OR6C68: variants seen among roughly 807,000 people sequenced by gnomAD.
OR6C68 encodes the protein olfactory receptor 6C68.
For synonymous variants in OR6C68, 161 were observed against 129.8 expected (o/e 1.24, Z -1.63); for missense variants, 440 against 368.5 (o/e 1.19, Z -1.59).
In OR6C68 at chr12:55,493,032, A is replaced by G; in HGVS notation, c.655A>G (p.Ile219Val). 1 of 1,609,232 alleles carries G rather than the reference A, an allele frequency of 6.2e-7. No individual in the cohort carries two copies. The highest frequency in any genetic ancestry group is 2.2e-5 in the East Asian group (1 of 44,848). Residue 219 changes from isoleucine (I) to valine (V), a missense_variant, in exon 1 of 1, where the codon ATC becomes GTC. Coordinates refer to ENST00000548615, the MANE Select transcript of OR6C68 (RefSeq NM_001005519.2). ...ATGTGTAGTTCTGTCCTACACATAT[A>G]TCATAAGAACAATTCTAAAATTCCC... Reference protein sequence around the residue: ...LVCVVLSYTYIIRTILKFPSV... With the variant: ...LVCVVLSYTYVIRTILKFPSV...
In OR6C68 at chr12:55,493,311, A is replaced by T. The variant is rs142751832; in HGVS notation, c.934A>T (p.Lys312Ter). ...SLKKIAFRLK[K>*] ...CAAAAAAATTGCATTTCGTTTAAAA[A>T]AGTAAAGTGTACCTAAGTTGATAAA... The change falls in exon 1 of 1, where the codon AAG (lysine) becomes TAG (stop). Residue 312 changes from lysine to a stop codon, truncating the protein, a stop_gained. Coordinates refer to ENST00000548615, the MANE Select transcript of OR6C68 (RefSeq NM_001005519.2). LOFTEE classifies it high-confidence loss of function. The T allele has an allele frequency of 4.6e-5, 70 of 1,533,698 alleles. No individual in the cohort carries two copies. The African/African-American group carries it at 8.3e-4, about 18-fold the overall frequency.
chr12:55,493,062 G>C lies in OR6C68; in HGVS notation c.685G>C (p.Val229Leu). 1 of 1,605,824 alleles carries C rather than the reference G, an allele frequency of 6.2e-7. No individual in the cohort carries two copies. The highest frequency in any genetic ancestry group is 8.5e-7 in the Non-Finnish European group (1 of 1,177,474). The change falls in exon 1 of 1, where the codon GTT becomes CTT. Residue 229 changes from valine to leucine, a missense_variant. Transcript: ENST00000548615. The stretch of plus-strand genomic sequence containing the variant: ...AAGAACAATTCTAAAATTCCCTTCT[G>C]TTCAACAAAAGAAAAAAGCCTTTTC... ...IIRTILKFPSVQQKKKAFSTC... is the reference protein window; with the variant it reads ...IIRTILKFPSLQQKKKAFSTC...
At position 55,492,766 on chromosome 12, in the gene OR6C68, A is replaced by G; in HGVS notation, c.389A>G (p.Tyr130Cys). The G allele has an allele frequency of 6.2e-7, 1 of 1,614,194 alleles. No homozygotes were observed. Among genetic ancestry groups the G allele is most frequent in the Non-Finnish European group, 8.5e-7 (1 of 1,180,012 alleles). ...GTGGCCATCTGCAAACCCTTGCATTATATGGCAATCATGAGCAACAAAGTG... is the reference window on the plus strand; with the variant it reads ...GTGGCCATCTGCAAACCCTTGCATTGTATGGCAATCATGAGCAACAAAGTG... ...RYVAICKPLHYMAIMSNKVCK... is the reference protein window; with the variant it reads ...RYVAICKPLHCMAIMSNKVCK... Residue 130 changes from tyrosine (Y) to cysteine (C), a missense_variant, in exon 1 of 1, where the codon TAT (tyrosine) becomes TGT (cysteine). Tyr to Cys is a radical substitution (Grantham distance 194). Transcript: ENST00000548615.
chr12:55,493,169 A>G lies in OR6C68; in HGVS notation c.792A>G (p.Glu264=), dbSNP rs757057496. 3.1e-6 allele frequency: 5 copies of G among 1,613,960 alleles called. No individual in the cohort carries two copies. Among genetic ancestry groups the G allele is most frequent in the Admixed American group, 1.7e-5 (1 of 60,012 alleles). ...IFIYIKPSAK[E]EVNINKGVSV... ...TCTATATCAAGCCATCTGCAAAAGA[A>G]GAGGTAAACATTAATAAAGGTGTGT... The change falls in exon 1 of 1, where the codon GAA becomes GAG. Residue 264 remains glutamate (E), a synonymous_variant. Transcript: ENST00000548615.
At position 55,493,255 on chromosome 12, in the gene OR6C68, A is replaced by G; in HGVS notation, c.878A>G (p.Glu293Gly). The G allele has an allele frequency of 6.2e-7, 1 of 1,602,060 alleles. No homozygotes were observed. ...TCTTTCATATATACTCTTAGGAATG[A>G]GCAAGTTAAACAAGCCTTTCATGAC... is the stretch of plus-strand genomic sequence containing the variant. The part of the protein sequence containing the change: ...LNSFIYTLRN[E>G]QVKQAFHDSL... Residue 293 changes from glutamate to glycine, a missense_variant, in exon 1 of 1, where the codon GAG (glutamate) becomes GGG (glycine). By Grantham distance (98) the Glu-to-Gly change is moderately conservative (BLOSUM62 -2). Coordinates refer to ENST00000548615, the MANE Select transcript of OR6C68 (RefSeq NM_001005519.2).
chr12:55,493,235 C>CAT lies in OR6C68; in HGVS notation c.864_865dup (p.Thr289IlefsTer23), dbSNP rs1872539630. 1 of 1,611,458 alleles carries CAT rather than the reference C, an allele frequency of 6.2e-7. No homozygotes were observed. Among genetic ancestry groups the CAT allele is most frequent in the African/African-American group, 1.3e-5 (1 of 74,770 alleles). ...CCATATCACCTATGTTGAATTCTTT[C>CAT]ATATATACTCTTAGGAATGAGCAAG... On this transcript the variant is annotated frameshift_variant, in exon 1 of 1. Transcript: ENST00000548615. LOFTEE classifies it low-confidence loss of function (END_TRUNC).
Position 55,492,883 on chromosome 12 carries a change from C to G in OR6C68, c.506C>G (p.Ser169Cys), listed in dbSNP as rs189513190. Residue 169 changes from serine (S) to cysteine (C), a missense_variant, in exon 1 of 1, where the codon TCT (serine) becomes TGT (cysteine). Ser to Cys is a moderately radical substitution (Grantham distance 112). Transcript: ENST00000548615. ...GGTTTTCATCTAGAATTCTGTGACT[C>G]TAATGTCATCAATCATTTTGGCTGT... The part of the protein sequence containing the change: ...SLGFHLEFCD[S>C]NVINHFGCDA... 1.9e-5 allele frequency: 30 copies of G among 1,613,656 alleles called. No homozygotes were observed. The highest frequency in any genetic ancestry group is 8.5e-7 in the Non-Finnish European group (1 of 1,179,722).
Position 55,492,485 on chromosome 12 carries a change from T to A in OR6C68, c.108T>A (p.Ser36Arg). Residue 36 changes from serine to arginine, a missense_variant, in exon 1 of 1, where the codon AGT becomes AGA. Coordinates refer to ENST00000548615, the MANE Select transcript of OR6C68 (RefSeq NM_001005519.2). ...FMFLFITYML[S>R]VTGKLTIIAL... ...TTCTATTTATCACCTACATGTTGAG[T>A]GTAACAGGGAAACTGACCATTATCG... The A allele has an allele frequency of 6.2e-7, 1 of 1,613,804 alleles. No individual in the cohort carries two copies. The highest frequency in any genetic ancestry group is 8.5e-7 in the Non-Finnish European group (1 of 1,179,706).
chr12:55,492,483 A>G lies in OR6C68; in HGVS notation c.106A>G (p.Ser36Gly), dbSNP rs1332225153. The change falls in exon 1 of 1, where the codon AGT (serine) becomes GGT (glycine). Residue 36 changes from serine to glycine, a missense_variant. Transcript: ENST00000548615. ...FMFLFITYML[S>G]VTGKLTIIAL... ...GTTTCTATTTATCACCTACATGTTG[A>G]GTGTAACAGGGAAACTGACCATTAT... 4 of 1,613,792 alleles carry G rather than the reference A, an allele frequency of 2.5e-6. No homozygotes were observed. Among genetic ancestry groups the G allele is most frequent in the Non-Finnish European group, 3.4e-6 (4 of 1,179,796 alleles).
chr12:55,492,408 A>G lies in OR6C68; in HGVS notation c.31A>G (p.Ile11Val). The G allele has an allele frequency of 6.2e-7, 1 of 1,609,522 alleles. No homozygotes were observed. Among genetic ancestry groups the G allele is most frequent in the Non-Finnish European group, 8.5e-7 (1 of 1,178,568 alleles). Residue 11 changes from isoleucine to valine, a missense_variant, in exon 1 of 1, where the codon ATC (isoleucine) becomes GTC (valine). Physicochemically the swap from Ile to Val is conservative, Grantham distance 29 (BLOSUM62 3). Coordinates refer to ENST00000548615, the MANE Select transcript of OR6C68 (RefSeq NM_001005519.2). ...AAAACACACAGCAATAACAACATTC[A>G]TCCTTCTGGGACTGACAGAAGATCC... MRKHTAITTF[I>V]LLGLTEDPQL...
In OR6C68 at chr12:55,492,477, A is replaced by C. The variant is rs1872512323; in HGVS notation, c.100A>C (p.Met34Leu). The C allele has an allele frequency of 1.1e-5, 17 of 1,613,808 alleles. No homozygotes were observed. Among genetic ancestry groups the C allele is most frequent in the Non-Finnish European group, 1.4e-5 (17 of 1,179,776 alleles). The change falls in exon 1 of 1, where the codon ATG becomes CTG. Residue 34 changes from methionine (M) to leucine (L), a missense_variant. Coordinates refer to ENST00000548615, the MANE Select transcript of OR6C68 (RefSeq NM_001005519.2). ...LLFMFLFITYMLSVTGKLTII... is the reference protein window; with the variant it reads ...LLFMFLFITYLLSVTGKLTII... ...TTTCATGTTTCTATTTATCACCTAC[A>C]TGTTGAGTGTAACAGGGAAACTGAC...
At position 55,492,661 on chromosome 12, in the gene OR6C68, G is replaced by A. The variant is rs1482412020; in HGVS notation, c.284G>A (p.Cys95Tyr). The change falls in exon 1 of 1, where the codon TGT becomes TAT. Residue 95 changes from cysteine to tyrosine, a missense_variant. Cys to Tyr is a radical substitution (Grantham distance 194). Coordinates refer to ENST00000548615, the MANE Select transcript of OR6C68 (RefSeq NM_001005519.2). ...AACAAAATAATAACGTATAATGCAT[G>A]TGTCATTCAGCTATTTTTTGCAGAC... ...TGNKIITYNA[C>Y]VIQLFFADLF... The A allele has an allele frequency of 5.6e-6, 9 of 1,614,110 alleles. No individual in the cohort carries two copies. Among genetic ancestry groups the A allele is most frequent in the Non-Finnish European group, 7.6e-6 (9 of 1,179,974 alleles).
chr12:55,492,926 G>A lies in OR6C68; in HGVS notation c.549G>A (p.Leu183=), dbSNP rs1179873002. 2 of 1,612,070 alleles carry A rather than the reference G, an allele frequency of 1.2e-6. No homozygotes were observed. The highest frequency in any genetic ancestry group is 4.5e-5 in the East Asian group (2 of 44,854). Residue 183 remains leucine (L), a synonymous_variant, in exon 1 of 1, where the codon CTG becomes CTA. Transcript: ENST00000548615. ...TTGGCTGTGATGCATTGCCTATTCT[G>A]AAAATACCATGCTCAGACACATCAT... ...NHFGCDALPI[L]KIPCSDTSLI... is the part of the protein sequence containing the mutation.
In OR6C68 at chr12:55,493,049, A is replaced by G. The variant is rs1482911813; in HGVS notation, c.672A>G (p.Leu224=). Residue 224 remains leucine, a synonymous_variant, in exon 1 of 1, where the codon CTA becomes CTG. Transcript: ENST00000548615. ...ACACATATATCATAAGAACAATTCT[A>G]AAATTCCCTTCTGTTCAACAAAAGA... ...LSYTYIIRTI[L]KFPSVQQKKK... The G allele has an allele frequency of 2.5e-6, 4 of 1,606,730 alleles. No homozygotes were observed. In the East Asian group the frequency reaches 8.9e-5, roughly 36 times the overall value.
chr12:55,493,289 A>G lies in OR6C68; in HGVS notation c.912A>G (p.Lys304=). ...AACAAGCCTTTCATGACTCACTCAA[A>G]AAAATTGCATTTCGTTTAAAAAAGT... ...QVKQAFHDSL[K]KIAFRLKK Residue 304 remains lysine (K), a synonymous_variant, in exon 1 of 1, where the codon AAA becomes AAG. Transcript: ENST00000548615. The G allele has an allele frequency of 3.2e-6, 5 of 1,569,516 alleles. No individual in the cohort carries two copies. The highest frequency in any genetic ancestry group is 4.3e-6 in the Non-Finnish European group (5 of 1,162,556).
At position 55,492,424 on chromosome 12, in the gene OR6C68, C is replaced by T. The variant is rs1421308535; in HGVS notation, c.47C>T (p.Thr16Ile). 4 of 1,613,490 alleles carry T rather than the reference C, an allele frequency of 2.5e-6. No homozygotes were observed. The East Asian group carries it at 8.9e-5, about 36-fold the overall frequency. Residue 16 changes from threonine to isoleucine, a missense_variant, in exon 1 of 1, where the codon ACA becomes ATA. By Grantham distance (89) the Thr-to-Ile change is moderately conservative. Transcript: ENST00000548615. Reference protein sequence around the residue: ...AITTFILLGLTEDPQLQVLLF... With the variant: ...AITTFILLGLIEDPQLQVLLF... ...ACAACATTCATCCTTCTGGGACTGA[C>T]AGAAGATCCTCAGCTGCAGGTTCTG...
chr12:55,492,577 T>C lies in OR6C68; in HGVS notation c.200T>C (p.Leu67Ser). 6.2e-7 allele frequency: 1 copy of C among 1,613,354 alleles called. No individual in the cohort carries two copies. ...TTTTTTCTCCAAAATTTATCTTTCT[T>C]AGAAATCTCATTTACAGCTACCTGT... ...MYFFLQNLSF[L>S]EISFTATCVP... Residue 67 changes from leucine to serine, a missense_variant, in exon 1 of 1, where the codon TTA becomes TCA. Transcript: ENST00000548615.
Position 55,493,258 on chromosome 12 carries a change from A to C in OR6C68, c.881A>C (p.Gln294Pro). The C allele has an allele frequency of 6.2e-7, 1 of 1,600,428 alleles. No individual in the cohort carries two copies. Among genetic ancestry groups the C allele is most frequent in the Non-Finnish European group, 8.5e-7 (1 of 1,176,174 alleles). The change falls in exon 1 of 1, where the codon CAA (glutamine) becomes CCA (proline). Residue 294 changes from glutamine (Q) to proline (P), a missense_variant. Transcript: ENST00000548615. ...TTCATATATACTCTTAGGAATGAGC[A>C]AGTTAAACAAGCCTTTCATGACTCA... ...NSFIYTLRNE[Q>P]VKQAFHDSLK...
rs143613367 is a variant in OR6C68, at chr12:55,493,099, C to T, written c.722C>T (p.Ser241Leu). The change falls in exon 1 of 1, where the codon TCA becomes TTA. Residue 241 changes from serine (S) to leucine (L), a missense_variant. By Grantham distance (145) the Ser-to-Leu change is moderately radical (BLOSUM62 -2). Coordinates refer to ENST00000548615, the MANE Select transcript of OR6C68 (RefSeq NM_001005519.2). Reference protein sequence around the residue: ...QKKKAFSTCSSHITVVSITYG... With the variant: ...QKKKAFSTCSLHITVVSITYG... ...AAAAAAGCCTTTTCTACCTGTTCTT[C>T]ACATATTACTGTGGTTTCCATCACT... 238 of 1,608,348 alleles carry T rather than the reference C, an allele frequency of 1.5e-4. No homozygotes were observed. The African/African-American group carries it at 2.9e-3, about 20-fold the overall frequency.
Sources: allele counts gnomAD v4.1 joint callset, GRCh38; gene constraint gnomAD v4.1.1; transcripts MANE v1.5; gene names NCBI Gene and HGNC (gene_info 2026-07-23, HGNC 2026-07-21).